Variants in TRPM5 observed in about 807,000 individuals in gnomAD.
TRPM5 encodes the protein MLSN1 and TRP-related.
TRPM5 carries 121 observed loss-of-function variants against 124.9 expected under a neutral mutation model. That is an observed-to-expected ratio of 0.97 (90% CI 0.84 to 1.13). The LOEUF is 1.13. Ranked by LOEUF, TRPM5 falls within the 50% of genes most tolerant of loss-of-function variation. TRPM5 has a pLI of 0.00. For synonymous variants in TRPM5, 781 were observed against 700.5 expected, an observed-to-expected ratio of 1.11 and a Z score of -1.81; for missense variants, 1,643 against 1,589.1, an observed-to-expected ratio of 1.03 and a Z score of -0.58.
chr11:2,429,470 C>T, the TRPM5 span, among the ~76,000 whole-genome samples: 2 of 148,890 alleles, frequency 1.3e-5, no homozygotes, highest in African/African-American at 2.5e-5. The surrounding 1 kb of genome is among the most constrained non-coding windows in gnomAD (Gnocchi z 8.4). Context: ...GTGATGGAGA[C>T]GATGATGGTG....
upstream of TRPM5, among the ~76,000 whole-genome samples, chr11:2,427,827 C>T (rs116225198): frequency 0.012 from 1,800 of 152,344 alleles, 33 homozygotes; most frequent in South Asian, 0.038. Flanking sequence ...CTCAAGAGCA[C>T]ACGTCTCATG....
chr11:2,417,861 G>C, intron 6 of TRPM5, 32 bp from the exon 12 acceptor site: 1 of 1,543,250 alleles, frequency 6.5e-7, no homozygotes, highest in East Asian at 2.4e-5. Flanking sequence ...CCATGGGGCC[G>C]CCTCAGCCAG....
chr11:2,404,836 GC>G (rs1850280314), exon 24 of TRPM5: 2 of 939,506 alleles, frequency 2.1e-6, no homozygotes, highest in African/African-American at 1.6e-5. Flanking sequence ...GGGGGCTGGT[GC>G]CCCCTGGGGG....
intron 11 of TRPM5, 101 bp from the exon 17 acceptor site, chr11:2,414,307 G>A (rs544634615): frequency 2.3e-5 from 34 of 1,466,090 alleles, no homozygotes; most frequent in East Asian, 4.9e-5. Flanking sequence ...CTCTGCAGCC[G>A]CACCCTGCGT....
At position 2,420,359 on chromosome 11, in the gene TRPM5, C is replaced by T. The variant is rs61741881; in HGVS notation, c.512G>A (p.Gly171Asp). Residue 171 changes from glycine to aspartate, a missense_variant, in exon 4 of 24, where the codon GGC (glycine) becomes GAC (aspartate). Physicochemically the swap from Gly to Asp is moderately conservative, Grantham distance 94 (BLOSUM62 -1). Transcript: ENST00000155858. Reference sequence around the variant, plus strand: ...GTTGCTGTCCAGTGAACAGAGGGGGCCCTGGCTGCCGCCGTCATCCTCAGG... The same window carrying T: ...GTTGCTGTCCAGTGAACAGAGGGGGTCCTGGCTGCCGCCGTCATCCTCAGG... 7.1e-3 allele frequency: 11,483 copies of T among 1,612,696 alleles called. 592 individuals are homozygous for T. The African/African-American group carries it at 0.13, about 18-fold the overall frequency.
chr11:2,413,683 C>T (rs1235449854), intron 12 of TRPM5, 95 bp from the exon 18 acceptor site: 15 of 1,210,982 alleles, frequency 1.2e-5, no homozygotes, highest in Middle Eastern at 2.0e-4. Flanking sequence ...GCCTGGCCCA[C>T]GTGAGCTGAA....
chr11:2,440,152 T>G, the TRPM5 span, among the ~76,000 whole-genome samples: 2 of 138,260 alleles, frequency 1.4e-5, no homozygotes, highest in African/African-American at 6.5e-5. The surrounding 1 kb of genome is among the most constrained non-coding windows in gnomAD (Gnocchi z 5.2). Context: ...CTCATAGACA[T>G]AGAGGGACAA....
intron 11 of TRPM5, 22 bp from the exon 17 acceptor site, chr11:2,414,228 G>C: frequency 6.2e-7 from 1 of 1,600,150 alleles, no homozygotes; most frequent in Non-Finnish European, 8.5e-7. Flanking sequence ...GGCCCTGGCC[G>C]CTAGGACGAG....
At chr11:2,422,249 C>G (rs1418125141) in exon 2 of TRPM5, 1 of 1,612,432 alleles carries the variant, frequency 6.2e-7, no homozygotes, top group Non-Finnish European at 8.5e-7. Flanking sequence ...AGGTTGGGGG[C>G]CGGCAGGTGC....
At chr11:2,409,457 T>C (rs953620393) in intron 18 of TRPM5, among the ~76,000 whole-genome samples, 1 of 152,182 alleles carries the variant, frequency 6.6e-6, no homozygotes, top group African/African-American at 2.4e-5. Context: ...AAATTGTCCC[T>C]GGGGCCTGGA....
chr11:2,406,075 T>C lies in TRPM5; in HGVS notation c.3268A>G (p.Lys1090Glu), dbSNP rs140675059. ...TGCTCTCTCAGACCCCCGAGGTACT[T>C]GGCAATGAAGTCCACTCTGCGGCAG... Residue 1090 changes from lysine to glutamate, a missense_variant, in exon 22 of 24, where the codon AAG becomes GAG. Transcript: ENST00000155858. The C allele has an allele frequency of 6.9e-5, 111 of 1,612,010 alleles. 1 individual carries two copies. In the African/African-American group the frequency reaches 1.3e-3, roughly 19 times the overall value.
intron 7 of TRPM5, among the ~76,000 whole-genome samples, chr11:2,417,283 C>G (rs1766443290): frequency 6.6e-6 from 1 of 152,156 alleles, no homozygotes; most frequent in South Asian, 2.1e-4. Flanking sequence ...AACCCCGTCT[C>G]TACTAAAAAT....
the TRPM5 span, among the ~76,000 whole-genome samples, chr11:2,431,476 C>A: frequency 5.3e-5 from 8 of 152,132 alleles, no homozygotes; most frequent in Non-Finnish European, 1.2e-4. Flanking sequence ...AGGCACAGTC[C>A]TTCCTCTATC....
At chr11:2,416,108 G>T (rs1443072107) in intron 7 of TRPM5, 84 bp from the exon 13 acceptor site, 1 of 962,662 alleles carries the variant, frequency 1.0e-6, no homozygotes, top group South Asian at 1.6e-5. Context: ...AAGGTGCGCT[G>T]CCTAGAGACG....
rs1390731293 is a variant in TRPM5, at chr11:2,422,903, C to T, written c.117+17G>A. On this transcript the variant is annotated intron_variant, in intron 1 of 23. Transcript: ENST00000155858. The stretch of plus-strand genomic sequence containing the variant: ...GGTCAAGGCGGACATCACCTGAGGC[C>T]TGGGGCCTGCCCTTACCTTGCCTCG... The T allele has an allele frequency of 8.7e-6, 14 of 1,607,630 alleles. No individual in the cohort carries two copies. Among genetic ancestry groups the T allele is most frequent in the Non-Finnish European group, 1.2e-5 (14 of 1,174,856 alleles).
chr11:2,411,904 G>A (rs1268875721), intron 16 of TRPM5, 137 bp from the exon 22 acceptor site: 1 of 1,135,150 alleles, frequency 8.8e-7, no homozygotes, highest in African/African-American at 1.6e-5. Flanking sequence ...TTCATCTTTT[G>A]TTTATTTATT....
At chr11:2,408,023 G>A (rs970415097) in intron 18 of TRPM5, 111 bp from the exon 24 acceptor site, 24 of 1,395,240 alleles carry the variant, frequency 1.7e-5, no homozygotes, top group African/African-American at 8.7e-5. Flanking sequence ...CAGGGGACGG[G>A]GTGCTGGTTG....
chr11:2,413,451 CG>C, intron 13 of TRPM5, 24 bp downstream of exon 18: 1 of 1,587,500 alleles, frequency 6.3e-7, no homozygotes, highest in Non-Finnish European at 8.6e-7. Context: ...CTGTCCTGGC[CG>C]GGCAGCTCAC....
chr11:2,415,268 G>C, exon 9 of TRPM5: 1 of 1,572,440 alleles, frequency 6.4e-7, no homozygotes, highest in East Asian at 2.3e-5. Context: ...TGCCCAGGCC[G>C]GCCAGCGTCA....
Sources: gnomAD v4.1 joint callset for allele counts (sites outside exome capture counted in the v4.1 genomes callset) on GRCh38, gnomAD v4.1.1 for gene constraint, Gnocchi (gnomAD v3.1) non-coding constraint, MANE v1.5 for transcripts, NCBI Gene and HGNC (gene_info 2026-07-23, HGNC 2026-07-21) for gene names.